The following ZNF257 variants were observed in gnomAD, a reference collection of about 807,000 sequenced individuals.
ZNF257 encodes zinc finger protein 257, also known as bone marrow zinc finger 4.
Under a neutral mutation model 11.9 loss-of-function variants are expected in ZNF257, and 12 were observed. The observed-to-expected ratio is 1.01, with a 90% CI of 0.65 to 1.63. ZNF257 has a LOEUF of 1.63. ZNF257 is among the 40% of genes most tolerant of loss of function. The probability of loss-of-function intolerance (pLI) is 0.00; values close to 1 mark genes in which losing one functional copy is unlikely to be tolerated. For missense variants in ZNF257, 580 were observed against 665.5 expected (o/e 0.87, Z 1.41); for synonymous variants, 183 against 222.7 (o/e 0.82, Z 1.59).
intron 1 of ZNF257, among the ~76,000 whole-genome samples, chr19:22,066,677 C>A (rs966293205): frequency 6.6e-6 from 1 of 152,164 alleles, no homozygotes; most frequent in African/African-American, 2.4e-5. Flanking sequence ...GCTTAAGTGG[C>A]AAAACTGCCT....
intron 3 of ZNF257, among the ~76,000 whole-genome samples, chr19:22,076,206 A>G (rs1382450138): frequency 6.6e-6 from 1 of 151,258 alleles, no homozygotes; most frequent in Non-Finnish European, 1.5e-5. Context: ...AAACAATAAC[A>G]TAATTTATTC....
At chr19:22,081,215 T>C (rs1296555220) in intron 3 of ZNF257, among the ~76,000 whole-genome samples, 2 of 151,964 alleles carry the variant, frequency 1.3e-5, no homozygotes, top group Non-Finnish European at 2.9e-5. Flanking sequence ...ATATGTTATA[T>C]ATACACGTAT....
rs1369429740 is a variant in ZNF257 at position 22,085,710 on chromosome 19, A to AC, written c.227-2267_227-2266insC. On this transcript the variant is annotated intron_variant, in intron 3 of 3. Coordinates refer to ENST00000594947, the MANE Select transcript of ZNF257 (RefSeq NM_033468.4). ...CACATGCACACACACACACACACAC[A>AC]AACACGCAAACATGAGTATATACAA... 1.6e-3 allele frequency among the ~76,000 whole-genome samples: 239 copies of AC among 151,932 alleles called. 1 individual carries two copies. Among genetic ancestry groups the AC allele is most frequent in the African/African-American group, 5.5e-3 (227 of 41,388 alleles).
At chr19:22,080,956 C>T (rs2022343881) in intron 3 of ZNF257, among the ~76,000 whole-genome samples, 1 of 151,114 alleles carries the variant, frequency 6.6e-6, no homozygotes, top group South Asian at 2.1e-4. Context: ...CAGCTCACTG[C>T]AACCTCCATC....
chr19:22,088,823 A>G lies in ZNF257; in HGVS notation c.1073A>G (p.His358Arg), dbSNP rs879912609. 1.9e-6 allele frequency: 3 copies of G among 1,613,018 alleles called. No homozygotes were observed. Among genetic ancestry groups the G allele is most frequent in the Admixed American group, 3.3e-5 (2 of 59,910 alleles). Reference protein sequence around the residue: ...ECGKAFNRSSHLTQHKIIHTK... With the variant: ...ECGKAFNRSSRLTQHKIIHTK... ...GGCAAAGCTTTTAACCGGTCTTCACACCTTACTCAACATAAGATAATTCAT... is the reference window on the plus strand; with the variant it reads ...GGCAAAGCTTTTAACCGGTCTTCACGCCTTACTCAACATAAGATAATTCAT... The change falls in exon 4 of 4, where the codon CAC becomes CGC. Residue 358 changes from histidine to arginine, a missense_variant. His to Arg is a conservative substitution (Grantham distance 29). Coordinates refer to ENST00000594947, the MANE Select transcript of ZNF257 (RefSeq NM_033468.4).
At position 22,088,694 on chromosome 19, in the gene ZNF257, C is replaced by A; in HGVS notation, c.944C>A (p.Pro315His). The A allele has an allele frequency of 1.9e-6, 3 of 1,613,312 alleles. No individual in the cohort carries two copies. The highest frequency in any genetic ancestry group is 2.2e-5 in the South Asian group (2 of 91,056). ...QHKRIHTGEK[P>H]YKCEECGKAF... ...AAGAGAATTCATACTGGAGAGAAAC[C>A]CTACAAATGTGAAGAGTGTGGCAAA... The change falls in exon 4 of 4, where the codon CCC (proline) becomes CAC (histidine). Residue 315 changes from proline (P) to histidine (H), a missense_variant. Transcript: ENST00000594947.
At chr19:22,056,646 T>G (rs540755105) in intron 1 of ZNF257, among the ~76,000 whole-genome samples, 2 of 151,740 alleles carry the variant, frequency 1.3e-5, no homozygotes, top group Admixed American at 6.6e-5. Flanking sequence ...CGGCTAATTT[T>G]TTTTTGTATT....
intron 1 of ZNF257, among the ~76,000 whole-genome samples, chr19:22,068,588 A>G (rs1424947934): frequency 6.6e-6 from 1 of 152,086 alleles, no homozygotes; most frequent in African/African-American, 2.4e-5. Context: ...TGGCTCTTTG[A>G]GCTTTTCAAG....
At chr19:22,064,518 AT>A (rs1280559886) in intron 1 of ZNF257, among the ~76,000 whole-genome samples, 1 of 152,220 alleles carries the variant, frequency 6.6e-6, no homozygotes, top group African/African-American at 2.4e-5. Flanking sequence ...ATAGGATTAA[AT>A]TTAGCCATAC....
chr19:22,068,947 G>T (rs909672187), intron 1 of ZNF257, among the ~76,000 whole-genome samples: 1 of 151,182 alleles, frequency 6.6e-6, no homozygotes, highest in African/African-American at 2.5e-5. Flanking sequence ...GACATTTGAG[G>T]ATTTCCAGAG....
intron 1 of ZNF257, 138 bp downstream of exon 1, chr19:22,052,773 C>A: frequency 1.9e-6 from 2 of 1,030,510 alleles, no homozygotes; most frequent in Non-Finnish European, 2.9e-6. Context: ...CCAGCTCGGC[C>A]TCGGTCCCCC....
rs142658019 is a variant in ZNF257 at position 22,081,238 on chromosome 19, G to A, written c.227-6739G>A. 2.7e-3 allele frequency among the ~76,000 whole-genome samples: 416 copies of A among 151,650 alleles called. 4 individuals are homozygous for A. The highest frequency in any genetic ancestry group is 9.2e-3 in the African/African-American group (380 of 41,298). On this transcript the variant is annotated intron_variant, in intron 3 of 3. Transcript: ENST00000594947. ...TATATACACGTATCTGTAGGTATAC[G>A]TATATATATACTCATATACATATGG... is the stretch of plus-strand genomic sequence containing the variant.
At chr19:22,053,092 C>T (rs1971738532) in intron 1 of ZNF257, among the ~76,000 whole-genome samples, 1 of 152,072 alleles carries the variant, frequency 6.6e-6, no homozygotes, top group Admixed American at 6.6e-5. Context: ...TTCAAAAATC[C>T]GGGCGCGGTG....
intron 3 of ZNF257, among the ~76,000 whole-genome samples, chr19:22,078,792 C>CTTTT (rs376822565): frequency 3.7e-4 from 49 of 132,948 alleles, no homozygotes; most frequent in East Asian, 8.5e-4. Context: ...TTCTTTCTTT[C>CTTTT]TTTTTTTTTT....
At chr19:22,056,870 A>G (rs1422639350) in intron 1 of ZNF257, among the ~76,000 whole-genome samples, 1 of 152,208 alleles carries the variant, frequency 6.6e-6, no homozygotes, top group Non-Finnish European at 1.5e-5. Flanking sequence ...ACCAAGGAAA[A>G]GAATAGAAAA....
At position 22,087,989 on chromosome 19, in the gene ZNF257, A is replaced by G; in HGVS notation, c.239A>G (p.His80Arg). Residue 80 changes from histidine (H) to arginine (R), a missense_variant, in exon 4 of 4, where the codon CAT becomes CGT. Transcript: ENST00000594947. ...MVAKPPVMCS[H>R]IAEDLCPERD... is the part of the protein sequence containing the mutation. ...TTATTTCTTTTAGTTATGTGTTCTC[A>G]TATTGCTGAAGACCTTTGCCCAGAG... 3.3e-6 allele frequency: 5 copies of G among 1,502,862 alleles called. No individual in the cohort carries two copies. The highest frequency in any genetic ancestry group is 4.4e-6 in the Non-Finnish European group (5 of 1,125,216). 93.1% of individuals were successfully genotyped at this position (1,502,862 alleles called of 1,614,324 possible).
chr19:22,052,612 G>C lies in ZNF257; in HGVS notation c.-21G>C. The C allele has an allele frequency of 6.2e-7, 1 of 1,606,876 alleles. No homozygotes were observed. Among genetic ancestry groups the C allele is most frequent in the Admixed American group, 1.7e-5 (1 of 59,756 alleles). ...TGGGAGATCCCCAGCTAAGACGCCA[G>C]GTCCTCCTGGAAGCCTAGAAATGGT... On this transcript the variant is annotated 5_prime_UTR_variant, in exon 1 of 4. Transcript: ENST00000594947.
intron 1 of ZNF257, among the ~76,000 whole-genome samples, chr19:22,071,699 C>T (rs1568484631): frequency 6.6e-6 from 1 of 152,058 alleles, no homozygotes; most frequent in Non-Finnish European, 1.5e-5. Context: ...ATGGCTCCTT[C>T]TATGCCACGC....
intron 1 of ZNF257, among the ~76,000 whole-genome samples, chr19:22,066,988 G>A (rs7247041): frequency 0.24 from 36,761 of 151,720 alleles, 6,199 homozygotes; most frequent in African/African-American, 0.48. Context: ...ATATATTCCA[G>A]ACACTGTCTA....
Sources: allele counts gnomAD v4.1 joint callset (sites outside exome capture counted in the v4.1 genomes callset), GRCh38; gene constraint gnomAD v4.1.1; transcripts MANE v1.5; gene names NCBI Gene and HGNC (gene_info 2026-07-23, HGNC 2026-07-21).